The following MAP1LC3A variants were observed in gnomAD, a reference collection of about 807,000 sequenced individuals.
MAP1LC3A encodes the protein microtubule-associated protein 1 light chain 3 alpha.
MAP1LC3A carries 10 observed loss-of-function variants against 15.2 expected under a neutral mutation model. The observed-to-expected ratio is 0.66, with a 90% confidence interval of 0.41 to 1.12. The LOEUF is 1.12. MAP1LC3A is among the 50% of genes most tolerant of loss of function. MAP1LC3A has a pLI of 0.00. For missense variants in MAP1LC3A, 138 were observed against 167.3 expected, an observed-to-expected ratio of 0.82 and a Z score of 0.97; for synonymous variants, 63 against 64.3, an observed-to-expected ratio of 0.98 and a Z score of 0.10.
At chr20:34,554,007 A>G (rs748689159), upstream of MAP1LC3A, among the ~76,000 whole-genome samples, 11 of 152,230 alleles carry the variant, frequency 7.2e-5, no homozygotes, top group Non-Finnish European at 1.6e-4. Context: ...AGACATGGGC[A>G]TCTTCAGTTT....
chr20:34,555,022 G>C (rs964450451), upstream of MAP1LC3A, among the ~76,000 whole-genome samples: 2 of 150,734 alleles, frequency 1.3e-5, no homozygotes, highest in Non-Finnish European at 1.5e-5. Flanking sequence ...TTTTGTTGTT[G>C]TTGTTTTTTG....
chr20:34,553,854 A>T (rs963558089), upstream of MAP1LC3A, among the ~76,000 whole-genome samples: 3 of 152,204 alleles, frequency 2.0e-5, no homozygotes, highest in African/African-American at 7.2e-5. Context: ...TGGTTCTGTT[A>T]TAGGAACACA....
upstream of MAP1LC3A, chr20:34,558,367 T>C: frequency 1.0e-6 from 1 of 987,790 alleles, no homozygotes; most frequent in Non-Finnish European, 1.2e-6. The surrounding 1 kb of genome is among the most constrained non-coding windows in gnomAD (Gnocchi z 4.3). Flanking sequence ...GGCCTTTGGC[T>C]CCGGCTGTTT....
chr20:34,553,875 T>C (rs1982042113), upstream of MAP1LC3A, among the ~76,000 whole-genome samples: 1 of 152,232 alleles, frequency 6.6e-6, no homozygotes, highest in African/African-American at 2.4e-5. Flanking sequence ...CAGCAAGCTA[T>C]TGAATAAGAC....
At chr20:34,555,144 CTTA>C (rs1353836563), upstream of MAP1LC3A, among the ~76,000 whole-genome samples, 5 of 141,512 alleles carry the variant, frequency 3.5e-5, no homozygotes, top group Admixed American at 7.0e-5. Flanking sequence ...AGCGAATTTT[CTTA>C]TTTTTTTTTT....
upstream of MAP1LC3A, chr20:34,558,698 T>A: frequency 1.6e-6 from 2 of 1,267,956 alleles, no homozygotes; most frequent in Non-Finnish European, 2.0e-6. This position sits in a 1 kb window ranked among gnomAD's most constrained non-coding sequence, Gnocchi z 4.3. Context: ...CTTTAAGGAA[T>A]GTTGTGACCT....
At chr20:34,549,562 G>A (rs906025417) in intron 1 of MAP1LC3A, among the ~76,000 whole-genome samples, 9 of 152,322 alleles carry the variant, frequency 5.9e-5, no homozygotes, top group African/African-American at 1.2e-4. Context: ...GGGGTGGCAC[G>A]TTACGGCTGT....
intron 3 of MAP1LC3A, 61 bp downstream of exon 3, chr20:34,559,514 G>A: frequency 2.7e-6 from 4 of 1,474,226 alleles, no homozygotes; most frequent in South Asian, 1.2e-5. Context: ...GGTTCCCGCC[G>A]AGAAGGGGTG....
chr20:34,559,910 G>A lies in MAP1LC3A; in HGVS notation c.*12G>A, dbSNP rs369795232. On this transcript the variant is annotated 3_prime_UTR_variant, in exon 4 of 4. Coordinates refer to ENST00000360668, the MANE Select transcript of MAP1LC3A (RefSeq NM_032514.4). ...CCTTCGGCTTCTGAGCCAGCAGTAG[G>A]GGGGCTCGGCCTGGGAGTCGGGCGG... is the stretch of plus-strand genomic sequence containing the variant. The A allele has an allele frequency of 1.2e-6, 2 of 1,606,378 alleles. No individual in the cohort carries two copies. Among genetic ancestry groups the A allele is most frequent in the South Asian group, 2.2e-5 (2 of 90,068 alleles).
chr20:34,559,603 A>T (rs1982349531), intron 3 of MAP1LC3A, 133 bp from the exon 4 acceptor site: 26 of 1,245,620 alleles, frequency 2.1e-5, no homozygotes, highest in Non-Finnish European at 3.0e-5. Context: ...TCGGGGCTGC[A>T]GTCGGTGTTG....
At chr20:34,558,000 G>A, upstream of MAP1LC3A, 1 of 836,364 alleles carries the variant, frequency 1.2e-6, no homozygotes, top group South Asian at 5.4e-5. Flanking sequence ...CATCATTTCT[G>A]GCAGCTCTTT....
chr20:34,554,942 A>G (rs1324910931), upstream of MAP1LC3A, among the ~76,000 whole-genome samples: 5 of 147,234 alleles, frequency 3.4e-5, no homozygotes, highest in East Asian at 1.0e-3. Flanking sequence ...TCCTGGACTC[A>G]AGTGATCTGC....
At chr20:34,554,789 C>T (rs943412155), upstream of MAP1LC3A, among the ~76,000 whole-genome samples, 2 of 152,178 alleles carry the variant, frequency 1.3e-5, no homozygotes, top group African/African-American at 4.8e-5. Flanking sequence ...ATGCCTCAGC[C>T]TCCCACGTAG....
chr20:34,560,105 T>G lies in MAP1LC3A; in HGVS notation c.*207T>G. 3.9e-5 allele frequency: 13 copies of G among 331,942 alleles called. No homozygotes were observed. The highest frequency in any genetic ancestry group is 9.9e-4 in the Middle Eastern group (1 of 1,010). 20.6% of individuals were successfully genotyped at this position (331,942 alleles called of 1,614,324 possible). ...TAGGGTTGTCCCTCTGGGTGCTGGC[T>G]GGTGGGATGGGGGAGGGTGGGGAGC... On this transcript the variant is annotated 3_prime_UTR_variant, in exon 4 of 4. Transcript: ENST00000360668.
chr20:34,559,239 C>T lies in MAP1LC3A; in HGVS notation c.72C>T (p.Arg24=). 6.2e-7 allele frequency: 1 copy of T among 1,605,548 alleles called. No homozygotes were observed. Among genetic ancestry groups the T allele is most frequent in the Non-Finnish European group, 8.5e-7 (1 of 1,177,020 alleles). ...GCTGTAAGGAGGTACAGCAGATCCG[C>T]GACCAGCACCCCAGCAAAATCCCGG... The part of the protein sequence containing the change: ...ADRCKEVQQI[R]DQHPSKIPVI... Residue 24 remains arginine, a synonymous_variant, in exon 2 of 4, where the codon CGC becomes CGT. Transcript: ENST00000360668.
upstream of MAP1LC3A, among the ~76,000 whole-genome samples, chr20:34,554,365 T>G (rs1486328644): frequency 0.046 from 200 of 4,384 alleles, 2 homozygotes; most frequent in African/African-American, 0.12. Flanking sequence ...TTTTTTTTTT[T>G]TTTTTTTTTT....
At chr20:34,547,001 G>A (rs41310797) in intron 1 of MAP1LC3A, 4,353 of 152,442 alleles carry the variant, frequency 0.029, 92 homozygotes, top group Non-Finnish European at 0.046. Flanking sequence ...GAGGGCTGGC[G>A]TCCTGCGCAC....
chr20:34,550,042 C>T lies in MAP1LC3A; in HGVS notation c.52+13C>T, dbSNP rs372422265. On this transcript the variant is annotated intron_variant, in intron 2 of 4. Coordinates refer to the MAP1LC3A transcript ENST00000374837. Reference sequence around the variant, plus strand: ...GCTGTGGACCCAGGTCTGTCTGGCCCGCCTGCCGTTGTGTGAAGGAGCTCA... The same window carrying T: ...GCTGTGGACCCAGGTCTGTCTGGCCTGCCTGCCGTTGTGTGAAGGAGCTCA... 4.5e-4 allele frequency: 728 copies of T among 1,613,858 alleles called. 2 individuals are homozygous for T. The highest frequency in any genetic ancestry group is 3.3e-4 in the Middle Eastern group (2 of 6,056).
upstream of MAP1LC3A, chr20:34,558,560 T>C: frequency 8.6e-7 from 1 of 1,168,878 alleles, no homozygotes. This position sits in a 1 kb window ranked among gnomAD's most constrained non-coding sequence, Gnocchi z 4.3. Context: ...GTCACGGGAC[T>C]GTGACGCGCC....
Sources: gnomAD v4.1 joint callset for allele counts (sites outside exome capture counted in the v4.1 genomes callset) on GRCh38, gnomAD v4.1.1 for gene constraint, Gnocchi (gnomAD v3.1) non-coding constraint, MANE v1.5 for transcripts, NCBI Gene and HGNC (gene_info 2026-07-23, HGNC 2026-07-21) for gene names.